KRT36: variants seen among roughly 807,000 people sequenced by gnomAD.
The protein encoded by KRT36 is keratin, type I cuticular Ha6.
A neutral mutation model predicts 43.0 loss-of-function variants in KRT36; 41 were observed. That is an observed-to-expected ratio of 0.95 (90% CI 0.74 to 1.24). KRT36 has a LOEUF of 1.24. KRT36 is among the 50% of genes most tolerant of loss of function. KRT36 has a pLI of 0.00. For missense variants in KRT36, 627 were observed against 595.3 expected, an observed-to-expected ratio of 1.05 and a Z score of -0.55; for synonymous variants, 277 against 252.9, an observed-to-expected ratio of 1.10 and a Z score of -0.90.
Position 41,487,124 on chromosome 17 carries a change from C to T in KRT36, c.1034G>A (p.Ser345Asn). 1.2e-6 allele frequency: 2 copies of T among 1,614,166 alleles called. No individual in the cohort carries two copies. The highest frequency in any genetic ancestry group is 1.7e-6 in the Non-Finnish European group (2 of 1,179,964). The change falls in exon 6 of 7, where the codon AGC becomes AAC. Residue 345 changes from serine (S) to asparagine (N), a missense_variant. Ser to Asn is a conservative substitution (Grantham distance 46). Coordinates refer to ENST00000328119, the MANE Select transcript of KRT36 (RefSeq NM_003771.5). ...STLAETEARY[S>N]SQLAQMQCLI... ...GCACTGCATCTGGGCCAGCTGGGAG[C>T]TGTAGCGGGCCTCGGTTTCGGCCAG...
At position 41,489,801 on chromosome 17, in the gene KRT36, C is replaced by T. The variant is rs748338517; in HGVS notation, c.64G>A (p.Ala22Thr). Residue 22 changes from alanine (A) to threonine (T), a missense_variant, in exon 1 of 7, where the codon GCA (alanine) becomes ACA (threonine). Physicochemically the swap from Ala to Thr is moderately conservative, Grantham distance 58 (BLOSUM62 0). Transcript: ENST00000328119. ...TGSIKGLCGT[A>T]GGISRVSSIR... ...GAGGACACCCGAGAGATGCCGCCTGCTGTGCCACAGAGGCCCTTGATAGAC... is the reference window on the plus strand; with the variant it reads ...GAGGACACCCGAGAGATGCCGCCTGTTGTGCCACAGAGGCCCTTGATAGAC... 46 of 1,613,624 alleles carry T rather than the reference C, an allele frequency of 2.9e-5. No individual in the cohort carries two copies. Among genetic ancestry groups the T allele is most frequent in the Non-Finnish European group, 3.6e-5 (42 of 1,179,988 alleles).
intron 6 of KRT36, 50 bp downstream of exon 6, chr17:41,486,900 A>G: frequency 6.5e-7 from 1 of 1,538,170 alleles, no homozygotes; most frequent in Non-Finnish European, 8.9e-7. Flanking sequence ...CGCCCTCCAC[A>G]TGGCACTGAG....
Position 41,486,478 on chromosome 17 carries a change from G to C in KRT36, c.1302C>G (p.Thr434=). The change falls in exon 7 of 7, where the codon ACC becomes ACG. Residue 434 remains threonine, a synonymous_variant. Transcript: ENST00000328119. The stretch of plus-strand genomic sequence containing the variant: ...TCTGAGTGCCAACCTGGGGAGCCGG[G>C]GTGCAGGGCACAGAGGGGACACAGG... ...PVPCVPSVPC[T]PAPQVGTQIR... 6 of 1,613,906 alleles carry C rather than the reference G, an allele frequency of 3.7e-6. No homozygotes were observed. The highest frequency in any genetic ancestry group is 5.1e-6 in the Non-Finnish European group (6 of 1,179,926).
Position 41,487,570 on chromosome 17 carries a change from C to T in KRT36, c.861+6G>A. On this transcript the variant is annotated splice_donor_region_variant and intron_variant, in intron 4 of 6. Coordinates refer to ENST00000328119, the MANE Select transcript of KRT36 (RefSeq NM_003771.5). Reference sequence around the variant, plus strand: ...AGCCTGTGGTCCCAGGGCACCCCAGCCCCACCTGGGTGTTGAACCAGGCCT... The same window carrying T: ...AGCCTGTGGTCCCAGGGCACCCCAGTCCCACCTGGGTGTTGAACCAGGCCT... 6.2e-7 allele frequency: 1 copy of T among 1,613,784 alleles called. No individual in the cohort carries two copies. Among genetic ancestry groups the T allele is most frequent in the Non-Finnish European group, 8.5e-7 (1 of 1,179,754 alleles).
chr17:41,488,128 G>A (rs967989412), intron 3 of KRT36, 115 bp downstream of exon 3: 42 of 984,892 alleles, frequency 4.3e-5, no homozygotes, highest in Middle Eastern at 3.4e-4. Flanking sequence ...GAAATGAAAC[G>A]AGAATGAAAT....
rs765597310 is a variant in KRT36 at position 41,487,034 on chromosome 17, TC to T, written c.1123del (p.Glu375SerfsTer147). 8.1e-6 allele frequency: 13 copies of T among 1,614,076 alleles called. No individual in the cohort carries two copies. Among genetic ancestry groups the T allele is most frequent in the African/African-American group, 1.3e-5 (1 of 74,946 alleles). On this transcript the variant is annotated frameshift_variant, in exon 6 of 7. Coordinates refer to ENST00000328119, the MANE Select transcript of KRT36 (RefSeq NM_003771.5). LOFTEE classifies it high-confidence loss of function. ...CTTGACGTCCAGTAACACCTGGTAC[TC>T]CTGGTTCTGCCGCTCCAGGTCGCAG... Reference protein sequence around the residue: ...IRCDLERQNQEYQVLLDVKAR... With the variant: ...IRCDLERQNQXYQVLLDVKAR...
chr17:41,486,443 A>G lies in KRT36; in HGVS notation c.1337T>C (p.Ile446Thr). The change falls in exon 7 of 7, where the codon ATC becomes ACC. Residue 446 changes from isoleucine (I) to threonine (T), a missense_variant. Ile to Thr is a moderately conservative substitution (Grantham distance 89). Transcript: ENST00000328119. ...APQVGTQIRT[I>T]TEEIRDGKVI... is the part of the protein sequence containing the mutation. ...TTTCCCATCTCTGATCTCCTCGGTG[A>G]TGGTGCGGATCTGAGTGCCAACCTG... The G allele has an allele frequency of 6.2e-7, 1 of 1,614,104 alleles. No individual in the cohort carries two copies. The highest frequency in any genetic ancestry group is 8.5e-7 in the Non-Finnish European group (1 of 1,180,026).
chr17:41,487,835 C>G, intron 3 of KRT36, 98 bp from the exon 4 acceptor site: 1 of 1,217,152 alleles, frequency 8.2e-7, no homozygotes, highest in Non-Finnish European at 1.2e-6. Flanking sequence ...CAGTCACCAG[C>G]TGCATAGCAT....
Position 41,486,960 on chromosome 17 carries a change from C to A in KRT36, c.1198G>T (p.Glu400Ter). 6.2e-7 allele frequency: 1 copy of A among 1,612,674 alleles called. No homozygotes were observed. The highest frequency in any genetic ancestry group is 8.5e-7 in the Non-Finnish European group (1 of 1,179,900). The change falls in exon 6 of 7, where the codon GAG becomes TAG. Residue 400 changes from glutamate to a stop codon, truncating the protein, a stop_gained. Transcript: ENST00000328119. LOFTEE classifies it low-confidence loss of function (END_TRUNC). ...CCAAGGGCCACTCACTTGCAGTCCT[C>A]TCCCTCCAGCAGGTGGCGGTAGGTA... ...IATYRHLLEG[E>*]DCKLPPQPCA...
At chr17:41,488,424 T>C (rs1904467660) in intron 2 of KRT36, 25 bp from the exon 3 acceptor site, 1 of 1,608,504 alleles carries the variant, frequency 6.2e-7, no homozygotes, top group East Asian at 2.2e-5. Flanking sequence ...CCCTGCCAAG[T>C]CTGCAGCAAA....
intron 3 of KRT36, 79 bp downstream of exon 3, chr17:41,488,164 G>T (rs146278210): frequency 3.6e-6 from 5 of 1,405,232 alleles, no homozygotes; most frequent in Middle Eastern, 2.5e-4. Context: ...AGTTCCTGCC[G>T]CACAGAAAAC....
At chr17:41,487,841 A>G in intron 3 of KRT36, 104 bp from the exon 4 acceptor site, 2 of 1,101,682 alleles carry the variant, frequency 1.8e-6, no homozygotes, top group Non-Finnish European at 2.6e-6. Flanking sequence ...CCAGCTGCAT[A>G]GCATTAGACA....
At position 41,487,672 on chromosome 17, in the gene KRT36, TG is replaced by T; in HGVS notation, c.764del (p.Pro255GlnfsTer11). On this transcript the variant is annotated frameshift_variant, in exon 4 of 7. Transcript: ENST00000328119. LOFTEE classifies it high-confidence loss of function. ...CCTCCAGGATCTTGTTGAGATCCAC[TG>T]GGGGAGCAGCGTCCACCTCCACATT... ...RLNVEVDAAP[P>X]VDLNKILEDM... is the part of the protein sequence containing the mutation. 6.2e-7 allele frequency: 1 copy of T among 1,614,140 alleles called. No individual in the cohort carries two copies. Among genetic ancestry groups the T allele is most frequent in the South Asian group, 1.1e-5 (1 of 91,088 alleles).
Position 41,489,438 on chromosome 17 carries a change from A to G in KRT36, c.427T>C (p.Tyr143His). 1 of 1,614,222 alleles carries G rather than the reference A, an allele frequency of 6.2e-7. No homozygotes were observed. The highest frequency in any genetic ancestry group is 2.2e-5 in the East Asian group (1 of 44,888). ...IPYICPDYQS[Y>H]FKTIEDFQQK... ...TGGAAATCTTCGATGGTCTTGAAGT[A>G]GGACTGGTAGTCTGGGCAGATGTAT... The change falls in exon 1 of 7, where the codon TAC (tyrosine) becomes CAC (histidine). Residue 143 changes from tyrosine to histidine, a missense_variant. By Grantham distance (83) the Tyr-to-His change is moderately conservative. Coordinates refer to ENST00000328119, the MANE Select transcript of KRT36 (RefSeq NM_003771.5).
Position 41,487,177 on chromosome 17 carries a change from T to C in KRT36, c.988-7A>G, listed in dbSNP as rs2144485979. 6.2e-7 allele frequency: 1 copy of C among 1,610,122 alleles called. No homozygotes were observed. The highest frequency in any genetic ancestry group is 8.5e-7 in the Non-Finnish European group (1 of 1,177,302). ...TGGATTCCAAGGAATTCCGCTGCAA[T>C]GGGAAAGAGGAAGAGCTGCCTATTG... On this transcript the variant is annotated splice_polypyrimidine_tract_variant and splice_region_variant and intron_variant, in intron 5 of 6. Transcript: ENST00000328119.
chr17:41,488,409 C>G lies in KRT36; in HGVS notation c.543-10G>C. Reference sequence around the variant, plus strand: ...CAGCTCTGTCTCATACCTGCACACACAGAACCCTGCCAAGTCTGCAGCAAA... The same window carrying G: ...CAGCTCTGTCTCATACCTGCACACAGAGAACCCTGCCAAGTCTGCAGCAAA... On this transcript the variant is annotated splice_polypyrimidine_tract_variant and intron_variant, in intron 2 of 6. Transcript: ENST00000328119. The G allele has an allele frequency of 1.2e-6, 2 of 1,612,024 alleles. No homozygotes were observed. The highest frequency in any genetic ancestry group is 1.1e-5 in the South Asian group (1 of 90,970).
chr17:41,486,276 G>A lies in KRT36; in HGVS notation c.*100C>T. On this transcript the variant is annotated 3_prime_UTR_variant, in exon 7 of 7. Transcript: ENST00000328119. ...TAGAAAAACCTGCTAAGCGTAGGGG[G>A]ACCCCTCTAGAGAAGGGCAGGGTCG... is the stretch of plus-strand genomic sequence containing the variant. The A allele has an allele frequency of 1.1e-6, 1 of 915,044 alleles. No individual in the cohort carries two copies. The highest frequency in any genetic ancestry group is 1.6e-5 in the South Asian group (1 of 62,594). 56.7% of individuals were successfully genotyped at this position (915,044 alleles called of 1,614,324 possible). A position where few individuals can be genotyped will look rare whatever the true frequency, so the allele number is the denominator to read the frequency against.
chr17:41,486,865 G>A, intron 6 of KRT36, 85 bp downstream of exon 6: 3 of 1,271,538 alleles, frequency 2.4e-6, no homozygotes, highest in Non-Finnish European at 3.3e-6. Flanking sequence ...CCCTTCATCT[G>A]GGCGACAACC....
chr17:41,489,640 A>G lies in KRT36; in HGVS notation c.225T>C (p.Ser75=). The change falls in exon 1 of 7, where the codon TCT becomes TCC. Residue 75 remains serine, a synonymous_variant. Coordinates refer to ENST00000328119, the MANE Select transcript of KRT36 (RefSeq NM_003771.5). ...ACCAGCCCCCGCTCCCCACAAAGCC[A>G]GAGGTGTGGCACTCAGAAGACAGGT... is the stretch of plus-strand genomic sequence containing the variant. ...GSYLSSECHT[S]GFVGSGGWFC... is the part of the protein sequence containing the mutation. 1 of 1,614,172 alleles carries G rather than the reference A, an allele frequency of 6.2e-7. No individual in the cohort carries two copies. The highest frequency in any genetic ancestry group is 1.6e-4 in the Middle Eastern group (1 of 6,062).
Sources: allele counts gnomAD v4.1 joint callset, GRCh38; gene constraint gnomAD v4.1.1; transcripts MANE v1.5; gene names NCBI Gene and HGNC (gene_info 2026-07-23, HGNC 2026-07-21).